Variants in CPNE3 observed in about 807,000 individuals in gnomAD.
The protein encoded by CPNE3 is copine 3.
CPNE3 carries 68 observed loss-of-function variants against 63.9 expected under a neutral mutation model. The ratio of observed to expected loss-of-function variants is 1.06; its 90% CI spans 0.87 to 1.30. The LOEUF (loss-of-function observed/expected upper bound fraction) is 1.30, where lower values mean the gene tolerates loss of function less well. Among genes scored for constraint, CPNE3 ranks in the 50% most tolerant of loss-of-function variants. CPNE3 has a pLI of 0.00. For missense variants in CPNE3, 665 were observed against 578.1 expected (o/e 1.15, Z -1.54); for synonymous variants, 219 against 197.5 (o/e 1.11, Z -0.91).
At chr8:86,531,535 T>G (rs1398147346) in intron 5 of CPNE3, among the ~76,000 whole-genome samples, 1 of 152,220 alleles carries the variant, frequency 6.6e-6, no homozygotes, top group Non-Finnish European at 1.5e-5. Flanking sequence ...GAGAAACTGC[T>G]TAATAATCTG....
rs751829900 is a variant in CPNE3 at position 86,527,024 on chromosome 8, T to C, written c.-10-1512T>C. ...TTACAAAGGGCTCTTCTAATGATAA[T>C]CTTTGTTACTTCAGATTTGCTTAGG... On this transcript the variant is annotated intron_variant, in intron 2 of 16. Coordinates refer to ENST00000517490, the MANE Select transcript of CPNE3 (RefSeq NM_003909.5). 8.5e-4 allele frequency among the ~76,000 whole-genome samples: 129 copies of C among 152,342 alleles called. 1 individual carries two copies. The highest frequency in any genetic ancestry group is 3.0e-3 in the African/African-American group (125 of 41,578).
rs542595641 is a variant in CPNE3 at position 86,548,406 on chromosome 8, G to C, written c.985G>C (p.Val329Leu). 5.0e-6 allele frequency: 8 copies of C among 1,614,026 alleles called. No homozygotes were observed. Among genetic ancestry groups the C allele is most frequent in the Non-Finnish European group, 5.9e-6 (7 of 1,180,038 alleles). ...VNEYLTALWS[V>L]GLVIQDYDAD... ...TGAGTATTTGACTGCTCTCTGGTCT[G>C]TGGGACTGGTCATTCAAGATTATGA... Residue 329 changes from valine (V) to leucine (L), a missense_variant, in exon 12 of 17, where the codon GTG (valine) becomes CTG (leucine). Physicochemically the swap from Val to Leu is conservative, Grantham distance 32. Transcript: ENST00000517490.
rs142265062 is a variant in CPNE3 at position 86,536,736 on chromosome 8, A to T, written c.460-827A>T. 2.9e-4 allele frequency among the ~76,000 whole-genome samples: 44 copies of T among 152,352 alleles called. No individual in the cohort carries two copies. The East Asian group carries it at 5.0e-3, about 17-fold the overall frequency. Reference sequence around the variant, plus strand: ...GTCATAAATGTTAACGAGTATGCACATTTCAAAATGAAGATACATGAAAAT... The same window carrying T: ...GTCATAAATGTTAACGAGTATGCACTTTTCAAAATGAAGATACATGAAAAT... On this transcript the variant is annotated intron_variant, in intron 6 of 16. Transcript: ENST00000517490.
chr8:86,552,140 T>C (rs999740657), intron 14 of CPNE3, among the ~76,000 whole-genome samples: 5 of 152,222 alleles, frequency 3.3e-5, no homozygotes, highest in African/African-American at 1.2e-4. Flanking sequence ...TTCTAGACAA[T>C]ACTCTAATTT....
chr8:86,515,975 T>G (rs1183236960), intron 2 of CPNE3, among the ~76,000 whole-genome samples: 1 of 152,212 alleles, frequency 6.6e-6, no homozygotes, highest in Non-Finnish European at 1.5e-5. Context: ...GCAATTATAG[T>G]GACAACAATA....
chr8:86,516,421 T>C (rs1294079690), intron 2 of CPNE3, among the ~76,000 whole-genome samples: 1 of 152,244 alleles, frequency 6.6e-6, no homozygotes, highest in African/African-American at 2.4e-5. Flanking sequence ...CAACCTATTA[T>C]ACATTTTAAA....
intron 8 of CPNE3, among the ~76,000 whole-genome samples, chr8:86,543,322 TTTGA>T (rs1223592386): frequency 6.6e-6 from 1 of 152,102 alleles, no homozygotes; most frequent in Non-Finnish European, 1.5e-5. Flanking sequence ...TCTTGACTGT[TTTGA>T]TTGATTGATT....
intron 6 of CPNE3, among the ~76,000 whole-genome samples, chr8:86,537,165 AC>A (rs1820819587): frequency 1.3e-5 from 2 of 152,314 alleles, no homozygotes; most frequent in Non-Finnish European, 2.9e-5. Flanking sequence ...CTCACTGATA[AC>A]TGCCCTGTCT....
At chr8:86,529,570 C>T (rs981387197) in intron 4 of CPNE3, among the ~76,000 whole-genome samples, 6 of 152,298 alleles carry the variant, frequency 3.9e-5, no homozygotes, top group Non-Finnish European at 4.4e-5. Flanking sequence ...CCTGATAAAC[C>T]TTCTCTGACC....
chr8:86,520,101 T>G (rs1820400572), intron 2 of CPNE3, among the ~76,000 whole-genome samples: 1 of 142,330 alleles, frequency 7.0e-6, no homozygotes, highest in South Asian at 2.1e-4. Context: ...CTTATAAATA[T>G]TCTAATGTTT....
intron 4 of CPNE3, among the ~76,000 whole-genome samples, chr8:86,529,860 A>G (rs1820630556): frequency 6.6e-6 from 1 of 151,880 alleles, no homozygotes. Flanking sequence ...TGTCTTTTAC[A>G]AGTTTATTTT....
At chr8:86,515,868 G>A (rs762756383) in intron 2 of CPNE3, among the ~76,000 whole-genome samples, 4 of 152,164 alleles carry the variant, frequency 2.6e-5, no homozygotes, top group Non-Finnish European at 5.9e-5. Context: ...GCCAGCCAGA[G>A]CCAAACAGAA....
At chr8:86,551,334 A>G (rs1821173919) in intron 14 of CPNE3, 100 bp downstream of exon 14, 6 of 834,254 alleles carry the variant, frequency 7.2e-6, no homozygotes, top group Non-Finnish European at 1.2e-5. Flanking sequence ...GATTAAAACT[A>G]CTCAAATTTC....
At chr8:86,556,428 G>A in intron 16 of CPNE3, 90 bp downstream of exon 16, 2 of 798,920 alleles carry the variant, frequency 2.5e-6, no homozygotes, top group Non-Finnish European at 4.5e-6. Context: ...AGGTGTGCAG[G>A]GTTAGAGGAT....
rs140153543 is a variant in CPNE3 at position 86,556,276 on chromosome 8, C to T, written c.1429C>T (p.Pro477Ser). 3.1e-5 allele frequency: 27 copies of T among 873,012 alleles called. No individual in the cohort carries two copies. In the African/African-American group the frequency reaches 4.4e-4, roughly 14 times the overall value. 54.1% of individuals were successfully genotyped at this position (873,012 alleles called of 1,614,324 possible). A position where few individuals can be genotyped will look rare whatever the true frequency, so the allele number is the denominator to read the frequency against. Residue 477 changes from proline (P) to serine (S), a missense_variant, in exon 16 of 17, where the codon CCA becomes TCA. Coordinates refer to ENST00000517490, the MANE Select transcript of CPNE3 (RefSeq NM_003909.5). ...TGGTGATGGTGGAAGTCTCCGCTCC[C>T]CATTGGGCGAAGTGGCCATCAGAGA... The part of the protein sequence containing the change: ...LDGDGGSLRS[P>S]LGEVAIRDIV...
chr8:86,515,303 C>T (rs1258190433), intron 1 of CPNE3, 159 bp from the exon 2 acceptor site: 1 of 152,146 alleles, frequency 6.6e-6, no homozygotes, highest in African/African-American at 2.4e-5. Flanking sequence ...TGTGAGGCCA[C>T]CTCTATAATG....
chr8:86,516,170 C>T (rs2131412401), intron 2 of CPNE3, among the ~76,000 whole-genome samples: 1 of 152,260 alleles, frequency 6.6e-6, no homozygotes, highest in East Asian at 1.9e-4. Context: ...AATTTTAGGA[C>T]CCCACAGACC....
chr8:86,554,318 T>A (rs1821262770), intron 14 of CPNE3, among the ~76,000 whole-genome samples: 1 of 152,202 alleles, frequency 6.6e-6, no homozygotes, highest in South Asian at 2.1e-4. Context: ...GAAGTGAATA[T>A]TTGGAACTAA....
At chr8:86,547,905 G>A (rs1821090177) in intron 11 of CPNE3, 135 bp downstream of exon 11, 2 of 605,344 alleles carry the variant, frequency 3.3e-6, no homozygotes, top group Non-Finnish European at 5.8e-6. Context: ...TCCTCAGGCA[G>A]GTTGTCTGGG....
Sources: allele counts gnomAD v4.1 joint callset (sites outside exome capture counted in the v4.1 genomes callset), GRCh38; gene constraint gnomAD v4.1.1; transcripts MANE v1.5; gene names NCBI Gene and HGNC (gene_info 2026-07-23, HGNC 2026-07-21).